Variants in CHD6 observed in about 807,000 individuals in gnomAD.
The protein encoded by CHD6 is ATP-dependent chromatin remodeler CHD6.
In CHD6, 50 loss-of-function variants were observed where a neutral mutation model predicts 276.9. That is an observed-to-expected ratio of 0.18 (90% CI 0.14 to 0.23). The LOEUF (loss-of-function observed/expected upper bound fraction) is 0.23, where lower values mean the gene tolerates loss of function less well. Ranked by LOEUF, CHD6 falls within the 10% of genes least tolerant of loss-of-function variation. The pLI is 1.00. For missense variants in CHD6, 2,564 were observed against 3,365.8 expected (o/e 0.76, Z 5.89); for synonymous variants, 1,173 against 1,229.3 (o/e 0.95, Z 0.96).
At chr20:41,608,563 G>A (rs1391367976) in intron 1 of CHD6, among the ~76,000 whole-genome samples, 1 of 152,156 alleles carries the variant, frequency 6.6e-6, no homozygotes, top group African/African-American at 2.4e-5. Flanking sequence ...TGGAGGTTAA[G>A]GGAAAAGTCC....
chr20:41,506,116 G>C (rs972558592), intron 5 of CHD6, among the ~76,000 whole-genome samples: 3 of 152,002 alleles, frequency 2.0e-5, no homozygotes, highest in Admixed American at 1.3e-4. Flanking sequence ...CTTCTAACCT[G>C]ATCTGTACCA....
At chr20:41,481,817 A>G (rs982689348) in intron 16 of CHD6, among the ~76,000 whole-genome samples, 4 of 152,054 alleles carry the variant, frequency 2.6e-5, no homozygotes, top group Non-Finnish European at 5.9e-5. Context: ...TTGTTGTAGA[A>G]AAATAAAGAA....
intron 1 of CHD6, among the ~76,000 whole-genome samples, chr20:41,606,203 C>A (rs904369683): frequency 3.9e-5 from 6 of 152,044 alleles, no homozygotes; most frequent in East Asian, 1.9e-4. Context: ...TGGTGAAACC[C>A]CGTCTCTACT....
intron 19 of CHD6, among the ~76,000 whole-genome samples, chr20:41,455,001 CG>C (rs2048340585): frequency 6.6e-6 from 1 of 152,072 alleles, no homozygotes; most frequent in African/African-American, 2.4e-5. Context: ...AGGCAAACCC[CG>C]GAAGACAATG....
chr20:41,413,410 C>T lies in CHD6; in HGVS notation c.7045G>A (p.Ala2349Thr), dbSNP rs1200169744. ...PEPATAASSQ[A>T]EKSIPSKSLL... ...CTCTTGCTGGGAATGGATTTCTCGGCTTGGCTGCTGGCTGCCGTAGCTGGC... is the reference window on the plus strand; with the variant it reads ...CTCTTGCTGGGAATGGATTTCTCGGTTTGGCTGCTGGCTGCCGTAGCTGGC... The change falls in exon 35 of 37, where the codon GCC (alanine) becomes ACC (threonine). Residue 2349 changes from alanine (A) to threonine (T), a missense_variant. Transcript: ENST00000373233. The T allele has an allele frequency of 1.9e-6, 3 of 1,612,138 alleles. No individual in the cohort carries two copies. The highest frequency in any genetic ancestry group is 1.1e-5 in the South Asian group (1 of 90,974).
chr20:41,433,703 T>C (rs1365717629), intron 27 of CHD6, among the ~76,000 whole-genome samples: 2 of 152,136 alleles, frequency 1.3e-5, no homozygotes, highest in South Asian at 2.1e-4. Context: ...TGGGTAAATA[T>C]AGCATATTTT....
chr20:41,497,397 T>G lies in CHD6; in HGVS notation c.1079A>C (p.His360Pro). Residue 360 changes from histidine to proline, a missense_variant, in exon 8 of 37, where the codon CAC (histidine) becomes CCC (proline). Transcript: ENST00000373233. ...RFRNKQAQMKHIFTEPDEDLF... is the reference protein window; with the variant it reads ...RFRNKQAQMKPIFTEPDEDLF... The stretch of plus-strand genomic sequence containing the variant: ...ATATTGCTTCACCTCCGTAAAAATG[T>G]GCTTCATCTGGGCTTGTTTATTCCT... 6.2e-7 allele frequency: 1 copy of G among 1,610,270 alleles called. No individual in the cohort carries two copies. The highest frequency in any genetic ancestry group is 8.5e-7 in the Non-Finnish European group (1 of 1,176,496).
intron 1 of CHD6, among the ~76,000 whole-genome samples, chr20:41,579,522 T>C (rs1034190173): frequency 4.0e-5 from 6 of 151,010 alleles, no homozygotes; most frequent in African/African-American, 1.2e-4. Flanking sequence ...CCACCGTCCA[T>C]GAGGCATGAA....
intron 25 of CHD6, among the ~76,000 whole-genome samples, chr20:41,441,410 C>T (rs1332588149): frequency 1.3e-5 from 2 of 152,184 alleles, no homozygotes; most frequent in East Asian, 3.9e-4. Context: ...AGAAAATTCC[C>T]CAATACTCCT....
rs570345251 is a variant in CHD6, at chr20:41,485,230, G to C, written c.2002-623C>G. ...TGTCTGTTCTTCCCCTAAAAGCACA[G>C]GCCTGGACAGCAGATCTTTATGCAA... On this transcript the variant is annotated intron_variant, in intron 14 of 36. Transcript: ENST00000373233. Among the ~76,000 whole-genome samples, 10 of 152,156 alleles carry C rather than the reference G, an allele frequency of 6.6e-5. No individual in the cohort carries two copies. In the South Asian group the frequency reaches 1.0e-3, roughly 16 times the overall value.
At chr20:41,532,830 C>T (rs909362798) in intron 3 of CHD6, among the ~76,000 whole-genome samples, 5 of 152,164 alleles carry the variant, frequency 3.3e-5, no homozygotes, top group Admixed American at 6.5e-5. Flanking sequence ...TGAAATACCA[C>T]GACTTTAGAA....
At chr20:41,423,757 A>G in intron 29 of CHD6, 57 bp from the exon 30 acceptor site, 5 of 1,408,058 alleles carry the variant, frequency 3.6e-6, no homozygotes, top group Non-Finnish European at 5.0e-6. Flanking sequence ...TAAAGCCAAT[A>G]ACTGCTTATT....
chr20:41,517,382 A>G (rs1349276759), intron 3 of CHD6, among the ~76,000 whole-genome samples: 2 of 152,180 alleles, frequency 1.3e-5, no homozygotes, highest in African/African-American at 4.8e-5. Context: ...CCACCATGAC[A>G]TAAGTTTACT....
In CHD6 at chr20:41,451,938, G is replaced by C. The variant is rs1449710401; in HGVS notation, c.3411C>G (p.Leu1137=). ...EKDMEMICRA[L]LVYCVKHYKG... ...TATAATGCTTGACACAGTACACCAGGAGGGCACGGCAAATCATCTCCATGT... is the reference window on the plus strand; with the variant it reads ...TATAATGCTTGACACAGTACACCAGCAGGGCACGGCAAATCATCTCCATGT... Residue 1137 remains leucine, a synonymous_variant, in exon 22 of 37, where the codon CTC becomes CTG. Transcript: ENST00000373233. 6.2e-7 allele frequency: 1 copy of C among 1,614,006 alleles called. No individual in the cohort carries two copies. Among genetic ancestry groups the C allele is most frequent in the South Asian group, 1.1e-5 (1 of 91,072 alleles).
intron 16 of CHD6, among the ~76,000 whole-genome samples, chr20:41,481,710 G>A (rs926568899): frequency 1.3e-5 from 2 of 151,876 alleles, no homozygotes; most frequent in African/African-American, 2.4e-5. Context: ...TAATGAAAAC[G>A]TTAAGTACTT....
chr20:41,425,305 G>A lies in CHD6; in HGVS notation c.4219C>T (p.Arg1407Cys), dbSNP rs1043771859. 9 of 1,614,070 alleles carry A rather than the reference G, an allele frequency of 5.6e-6. No homozygotes were observed. The highest frequency in any genetic ancestry group is 1.3e-5 in the African/African-American group (1 of 74,936). Reference protein sequence around the residue: ...RLRRLVTVYQRCNRKELCRPE... With the variant: ...RLRRLVTVYQCCNRKELCRPE... ...CGGCACAGTTCCTTGCGGTTGCAGC[G>A]CTGGTAAACAGTGACCAGACGTCTG... Residue 1407 changes from arginine (R) to cysteine (C), a missense_variant, in exon 29 of 37, where the codon CGC becomes TGC. This residue lies in a region of CHD6 where 515 missense variants were observed against 739.5 expected (regional missense o/e 0.70). Transcript: ENST00000373233.
At position 41,542,149 on chromosome 20, in the gene CHD6, T is replaced by C. The variant is rs549989447; in HGVS notation, c.34-8579A>G. On this transcript the variant is annotated intron_variant, in intron 2 of 36. Transcript: ENST00000373233. The stretch of plus-strand genomic sequence containing the variant: ...AATTTCCTAATCTGCCTAAGTGGAA[T>C]GATGTTTGCTCCACCAACAAAGGCC... Among the ~76,000 whole-genome samples, 6 of 152,364 alleles carry C rather than the reference T, an allele frequency of 3.9e-5. No individual in the cohort carries two copies. The East Asian group carries it at 1.2e-3, about 29-fold the overall frequency.
At chr20:41,485,922 G>A (rs2043402137) in intron 14 of CHD6, 1 of 151,812 alleles carries the variant, frequency 6.6e-6, no homozygotes, top group South Asian at 2.1e-4. Flanking sequence ...TATTGTACGT[G>A]ATAAATACAT....
At chr20:41,444,518 C>T (rs1600871361) in intron 25 of CHD6, among the ~76,000 whole-genome samples, 1 of 152,168 alleles carries the variant, frequency 6.6e-6, no homozygotes, top group Non-Finnish European at 1.5e-5. Flanking sequence ...CACTGCACCA[C>T]CTGAAGCCTG....
Sources: allele counts gnomAD v4.1 joint callset (sites outside exome capture counted in the v4.1 genomes callset), GRCh38; gene constraint gnomAD v4.1.1; regional missense constraint gnomAD v4.1.1; transcripts MANE v1.5; gene names NCBI Gene and HGNC (gene_info 2026-07-23, HGNC 2026-07-21).